Variants in LLGL1 observed in about 807,000 individuals in gnomAD.
LLGL1 encodes the protein LLGL scribble cell polarity complex component 1.
Under a neutral mutation model 110.6 loss-of-function variants are expected in LLGL1, and 58 were observed. The ratio of observed to expected loss-of-function variants is 0.52; its 90% confidence interval spans 0.42 to 0.65. The LOEUF is 0.65. Ranked by LOEUF, LLGL1 falls within the 30% of genes least tolerant of loss-of-function variation. The pLI is 0.00. For synonymous variants in LLGL1, 674 were observed against 607.2 expected (o/e 1.11, Z -1.62); for missense variants, 1,229 against 1,462.1 (o/e 0.84, Z 2.60).
Position 18,240,398 on chromosome 17 carries a change from C to G in LLGL1, c.2207-180C>G, listed in dbSNP as rs548430849. 6.6e-6 allele frequency among the ~76,000 whole-genome samples: 1 copy of G among 152,142 alleles called. No homozygotes were observed. Among genetic ancestry groups the G allele is most frequent in the East Asian group, 1.9e-4 (1 of 5,176 alleles). On this transcript the variant is annotated intron_variant, in intron 16 of 22. Coordinates refer to ENST00000316843, the MANE Select transcript of LLGL1 (RefSeq NM_004140.4). The surrounding 1 kb of genome is among the most constrained non-coding windows in gnomAD (Gnocchi z 5.3). ...AGCATAGAGCTGGGGTCTCAGGCCT[C>G]GAGGCTGGAGGTCACCAGGGAGGCA...
Position 18,240,633 on chromosome 17 carries a change from C to T in LLGL1, c.2262C>T (p.Ala754=), listed in dbSNP as rs2047807788. ...GCACCAACTCAGGCTCTGTGTTCGC[C>T]TATGCACTGGAGGTGCCGGCAGCAG... ...WAGTNSGSVF[A]YALEVPAAAV... is the part of the protein sequence containing the mutation. The change falls in exon 17 of 23, where the codon GCC becomes GCT. Residue 754 remains alanine, a synonymous_variant. Coordinates refer to ENST00000316843, the MANE Select transcript of LLGL1 (RefSeq NM_004140.4). The surrounding 1 kb of genome is among the most constrained non-coding windows in gnomAD (Gnocchi z 5.3). The T allele has an allele frequency of 6.2e-7, 1 of 1,612,688 alleles. No homozygotes were observed.
intron 14 of LLGL1, 61 bp from the exon 15 acceptor site, chr17:18,238,006 G>T (rs1360185584): frequency 3.8e-6 from 6 of 1,583,574 alleles, no homozygotes; most frequent in Admixed American, 3.4e-5. Context: ...AGGCCAGCAG[G>T]AGTGTGGTGG....
chr17:18,229,868 G>C, intron 1 of LLGL1, 73 bp from the exon 2 acceptor site: 1 of 1,030,794 alleles, frequency 9.7e-7, no homozygotes. Context: ...GCTGCCTTGG[G>C]GTGGGCCTCA....
chr17:18,230,045 T>C lies in LLGL1; in HGVS notation c.179+7T>C. On this transcript the variant is annotated splice_region_variant and intron_variant, in intron 2 of 22. Coordinates refer to ENST00000316843, the MANE Select transcript of LLGL1 (RefSeq NM_004140.4). Reference sequence around the variant, plus strand: ...GGTCTGGGGCTGTCAAGATGTATCCTTTGCAGGACAGGTGTTCAGGGTCTG... The same window carrying C: ...GGTCTGGGGCTGTCAAGATGTATCCCTTGCAGGACAGGTGTTCAGGGTCTG... 6.2e-7 allele frequency: 1 copy of C among 1,605,106 alleles called. No homozygotes were observed. The highest frequency in any genetic ancestry group is 8.5e-7 in the Non-Finnish European group (1 of 1,176,198).
At chr17:18,238,037 A>G (rs370208883) in intron 14 of LLGL1, 30 bp from the exon 15 acceptor site, 28 of 1,611,150 alleles carry the variant, frequency 1.7e-5, no homozygotes, top group East Asian at 2.2e-5. Flanking sequence ...AGGCTGCTCT[A>G]TAGCACGACT....
Position 18,234,258 on chromosome 17 carries a change from C to A in LLGL1, c.715-15C>A. 1 of 1,596,550 alleles carries A rather than the reference C, an allele frequency of 6.3e-7. No homozygotes were observed. On this transcript the variant is annotated splice_polypyrimidine_tract_variant and intron_variant, in intron 6 of 22. Coordinates refer to ENST00000316843, the MANE Select transcript of LLGL1 (RefSeq NM_004140.4). ...GCTCATGCCTGCCTGCCTGCCTGCC[C>A]CTGCCTGCCCGCAGCAGCTGGAGAG... is the stretch of plus-strand genomic sequence containing the variant.
At chr17:18,235,701 C>G in intron 11 of LLGL1, 164 bp downstream of exon 11, 1 of 664,086 alleles carries the variant, frequency 1.5e-6, no homozygotes, top group Non-Finnish European at 2.5e-6. Context: ...CCTCCCTGGA[C>G]CTTGGTTCAA....
rs1063688 is a variant in LLGL1 at position 18,240,823 on chromosome 17, G to T, written c.2452G>T (p.Asp818Tyr). The change falls in exon 17 of 23, where the codon GAC (aspartate) becomes TAC (tyrosine). Residue 818 changes from aspartate to tyrosine, a missense_variant. Asp to Tyr is a radical substitution (Grantham distance 160, BLOSUM62 -3). Coordinates refer to ENST00000316843, the MANE Select transcript of LLGL1 (RefSeq NM_004140.4). The surrounding 1 kb of genome is among the most constrained non-coding windows in gnomAD (Gnocchi z 5.3). Reference protein sequence around the residue: ...EASRDLAQAPDMQGGHAVLIA... With the variant: ...EASRDLAQAPYMQGGHAVLIA... ...CTCACGGGACCTGGCGCAGGCACCT[G>T]ACATGCAGGGTGGTCACGCTGTGCT... 8 of 1,570,484 alleles carry T rather than the reference G, an allele frequency of 5.1e-6. No homozygotes were observed. The highest frequency in any genetic ancestry group is 6.1e-6 in the Non-Finnish European group (7 of 1,155,164).
At chr17:18,228,963 C>T (rs1012365671) in intron 1 of LLGL1, among the ~76,000 whole-genome samples, 12 of 152,110 alleles carry the variant, frequency 7.9e-5, no homozygotes, top group Admixed American at 6.6e-4. Flanking sequence ...GAGGGAGGTT[C>T]GCGTTACAGG....
intron 20 of LLGL1, 24 bp downstream of exon 20, chr17:18,242,302 C>T (rs776994496): frequency 3.1e-6 from 5 of 1,600,122 alleles, no homozygotes; most frequent in South Asian, 1.1e-5. Flanking sequence ...GAAAGGGGTC[C>T]AGACCCTGGC....
rs764860855 is a variant in LLGL1 at position 18,235,210 on chromosome 17, A to G, written c.1182A>G (p.Ala394=). 6.2e-7 allele frequency: 1 copy of G among 1,611,750 alleles called. No homozygotes were observed. Among genetic ancestry groups the G allele is most frequent in the South Asian group, 1.1e-5 (1 of 91,084 alleles). The change falls in exon 10 of 23, where the codon GCA becomes GCG. Residue 394 remains alanine, a synonymous_variant. Transcript: ENST00000316843. ...ACCTGGCCCCGCTGCACTCCTCTGC[A>G]ATCACTTGCTCGGCCCACGTGGCCA... ...APYLAPLHSS[A]ITCSAHVASV... is the part of the protein sequence containing the mutation.
At position 18,230,020 on chromosome 17, in the gene LLGL1, G is replaced by GT; in HGVS notation, c.161_162insT (p.Arg54SerfsTer42). On this transcript the variant is annotated frameshift_variant, in exon 2 of 23. Transcript: ENST00000316843. LOFTEE classifies it high-confidence loss of function. ...CTTCGCATCATGGCCATCGGCACCA[G>GT]GTCTGGGGCTGTCAAGATGTATCCT... The GT allele has an allele frequency of 6.2e-7, 1 of 1,611,570 alleles. No individual in the cohort carries two copies. The highest frequency in any genetic ancestry group is 8.5e-7 in the Non-Finnish European group (1 of 1,179,668).
chr17:18,228,635 T>G (rs1395008157), intron 1 of LLGL1, among the ~76,000 whole-genome samples: 1 of 152,118 alleles, frequency 6.6e-6, no homozygotes, highest in African/African-American at 2.4e-5. Context: ...CTTTCCTCGT[T>G]TGTAAAATGG....
chr17:18,240,982 T>G lies in LLGL1; in HGVS notation c.2502+109T>G. 1 of 1,193,222 alleles carries G rather than the reference T, an allele frequency of 8.4e-7. No individual in the cohort carries two copies. Among genetic ancestry groups the G allele is most frequent in the Non-Finnish European group, 1.1e-6 (1 of 871,610 alleles). The allele number at this position is 1,193,222 out of a possible 1,614,324, so 73.9% of individuals were successfully genotyped here. On this transcript the variant is annotated intron_variant, in intron 17 of 22. Transcript: ENST00000316843. This position sits in a 1 kb window ranked among gnomAD's most constrained non-coding sequence, Gnocchi z 5.3. ...CCCTTCCTGCCTGTATCCCCCACTG[T>G]TGGGACCCTAATTCCCTTGCACCCC...
At chr17:18,239,081 A>G (rs552463641) in intron 16 of LLGL1, among the ~76,000 whole-genome samples, 31 of 152,192 alleles carry the variant, frequency 2.0e-4, no homozygotes, top group South Asian at 1.2e-3. Flanking sequence ...GGGGAGCTGG[A>G]TGGTAAAGGA....
At chr17:18,235,648 GGA>G in intron 11 of LLGL1, 111 bp downstream of exon 11, 6 of 1,036,950 alleles carry the variant, frequency 5.8e-6, no homozygotes, top group Non-Finnish European at 7.0e-6. Flanking sequence ...GCCCCTGGTG[GGA>G]CCAGGTAGTT....
At chr17:18,229,420 G>C (rs907570129) in intron 1 of LLGL1, among the ~76,000 whole-genome samples, 23 of 152,260 alleles carry the variant, frequency 1.5e-4, no homozygotes, top group Non-Finnish European at 2.9e-5. Flanking sequence ...AAAAGCCTCT[G>C]CCTAGCTGAT....
intron 1 of LLGL1, among the ~76,000 whole-genome samples, chr17:18,228,383 C>G (rs2047498015): frequency 6.6e-6 from 1 of 152,192 alleles, no homozygotes; most frequent in South Asian, 2.1e-4. Context: ...CCTCCCTTAG[C>G]TGGGAGCCCC....
At position 18,232,516 on chromosome 17, in the gene LLGL1, G is replaced by A. The variant is rs138685844; in HGVS notation, c.201G>A (p.Glu67=). 6.4e-4 allele frequency: 1,037 copies of A among 1,614,060 alleles called. 4 individuals carry two copies. The highest frequency in any genetic ancestry group is 2.4e-3 in the South Asian group (217 of 91,084). The change falls in exon 3 of 23, where the codon GAG becomes GAA. Residue 67 remains glutamate, a synonymous_variant. Coordinates refer to ENST00000316843, the MANE Select transcript of LLGL1 (RefSeq NM_004140.4). ...AVKIYGAPGV[E]FTGLHRDAAT... is the part of the protein sequence containing the mutation. ...TCAGCTATGGTGCACCTGGCGTGGA[G>A]TTCACAGGCCTGCACCGGGATGCAG...
Sources: gnomAD v4.1 joint callset for allele counts (sites outside exome capture counted in the v4.1 genomes callset) on GRCh38, gnomAD v4.1.1 for gene constraint, Gnocchi (gnomAD v3.1) non-coding constraint, MANE v1.5 for transcripts, NCBI Gene and HGNC (gene_info 2026-07-23, HGNC 2026-07-21) for gene names.